Variants in SLC14A2 observed in about 807,000 individuals in gnomAD.
The protein encoded by SLC14A2 is solute carrier family 14 member 2.
SLC14A2 carries 91 observed loss-of-function variants against 104.6 expected under a neutral mutation model. The observed-to-expected ratio is 0.87, with a 90% confidence interval of 0.73 to 1.04. The LOEUF (loss-of-function observed/expected upper bound fraction) is 1.04. SLC14A2 is among the 50% of genes least tolerant of loss of function. The probability of loss-of-function intolerance (pLI) is 0.00; values close to 1 mark genes in which losing one functional copy is unlikely to be tolerated. For synonymous variants in SLC14A2, 476 were observed against 466.4 expected, an observed-to-expected ratio of 1.02 and a Z score of -0.27; for missense variants, 1,189 against 1,156.0, an observed-to-expected ratio of 1.03 and a Z score of -0.41.
intron 10 of SLC14A2, 86 bp from the exon 11 acceptor site, chr18:45,663,699 T>C (rs966594908): frequency 1.4e-6 from 2 of 1,460,666 alleles, no homozygotes; most frequent in African/African-American, 1.4e-5. Context: ...TTCCAGCATC[T>C]GTGTGATTTT....
chr18:45,456,398 C>T (rs1412986214), intron 1 of SLC14A2, among the ~76,000 whole-genome samples: 1 of 152,232 alleles, frequency 6.6e-6, no homozygotes, highest in Non-Finnish European at 1.5e-5. Flanking sequence ...TTTATGCTGG[C>T]TGTTAGTCTC....
In SLC14A2 at chr18:45,412,409, C is replaced by T. The variant is rs2086224955; in HGVS notation, c.-124-70824C>T. 2.0e-5 allele frequency among the ~76,000 whole-genome samples: 3 copies of T among 152,148 alleles called. No homozygotes were observed. In the South Asian group the frequency reaches 6.2e-4, roughly 32 times the overall value. On this transcript the variant is annotated intron_variant, in intron 1 of 20. Coordinates refer to the SLC14A2 transcript ENST00000586448. ...GAGAGAAAACAGGAAAGTTTCAGGT[C>T]TTCTAACTTATATTCCTAAATGCAA...
chr18:45,659,187 C>A (rs1480750780), intron 10 of SLC14A2, among the ~76,000 whole-genome samples: 1 of 152,246 alleles, frequency 6.6e-6, no homozygotes, highest in Admixed American at 6.5e-5. Flanking sequence ...CCACCCCTGA[C>A]CTCCAAGCAG....
At chr18:45,614,368 G>C (rs912505033), upstream of SLC14A2, among the ~76,000 whole-genome samples, 8 of 152,246 alleles carry the variant, frequency 5.3e-5, no homozygotes, top group Non-Finnish European at 1.0e-4. Flanking sequence ...GAAATGTGAA[G>C]TTGGAGCCCC....
chr18:45,172,310 AT>A, the SLC14A2 span, among the ~76,000 whole-genome samples: 4 of 152,146 alleles, frequency 2.6e-5, no homozygotes, highest in Non-Finnish European at 5.9e-5. Flanking sequence ...TCTAGGTGTG[AT>A]AAAATTTATA....
upstream of SLC14A2, among the ~76,000 whole-genome samples, chr18:45,208,198 T>C (rs184711975): frequency 2.9e-4 from 44 of 152,254 alleles, no homozygotes; most frequent in Non-Finnish European, 6.0e-4. Flanking sequence ...ACACAAAAAT[T>C]TGGGCTTGGA....
chr18:45,327,265 G>A (rs1178306139), intron 1 of SLC14A2, among the ~76,000 whole-genome samples: 1 of 152,076 alleles, frequency 6.6e-6, no homozygotes, highest in East Asian at 1.9e-4. Flanking sequence ...TACTCTTGAA[G>A]AATGTGCATT....
At chr18:45,303,727 G>A (rs568174607) in intron 1 of SLC14A2, among the ~76,000 whole-genome samples, 12 of 152,348 alleles carry the variant, frequency 7.9e-5, no homozygotes, top group African/African-American at 2.4e-4. Flanking sequence ...AGTTGAACAG[G>A]TGGATCATAC....
chr18:45,573,988 T>G (rs749300432), intron 2 of SLC14A2, among the ~76,000 whole-genome samples: 16 of 152,262 alleles, frequency 1.1e-4, no homozygotes, highest in Non-Finnish European at 1.8e-4. Flanking sequence ...TTCACATGGC[T>G]GTAAGCTAGG....
rs150240613 is a variant in SLC14A2 at position 45,628,793 on chromosome 18, GAGAA to G, written c.521+1661_521+1664del. Among the ~76,000 whole-genome samples the G allele has an allele frequency of 4.5e-3, 687 of 152,224 alleles. 5 individuals carry two copies. Among genetic ancestry groups the G allele is most frequent in the African/African-American group, 0.015 (641 of 41,546 alleles). ...TTATGTTGGGGATGTGTGCGTGGGA[GAGAA>G]AGAAAGAAAGAAAGTGAAAGCTAAG... On this transcript the variant is annotated intron_variant, in intron 4 of 19. Coordinates refer to ENST00000255226, the MANE Select transcript of SLC14A2 (RefSeq NM_007163.4).
At chr18:45,466,802 C>A (rs573451237) in intron 1 of SLC14A2, among the ~76,000 whole-genome samples, 2 of 152,028 alleles carry the variant, frequency 1.3e-5, no homozygotes, top group African/African-American at 4.8e-5. Context: ...ACCCTGTATA[C>A]CCCTGTGAAT....
At chr18:45,653,833 C>G (rs1417789139) in intron 10 of SLC14A2, among the ~76,000 whole-genome samples, 1 of 152,244 alleles carries the variant, frequency 6.6e-6, no homozygotes, top group Non-Finnish European at 1.5e-5. Context: ...GATGGCAATA[C>G]TGTTCCCCAG....
intron 8 of SLC14A2, 131 bp from the exon 9 acceptor site, chr18:45,643,001 G>A: frequency 1.3e-6 from 1 of 753,954 alleles, no homozygotes; most frequent in East Asian, 2.6e-5. Flanking sequence ...TCAGGGCATG[G>A]TGCAGAATCT....
chr18:45,195,044 C>G, the SLC14A2 span, among the ~76,000 whole-genome samples: 1 of 152,178 alleles, frequency 6.6e-6, no homozygotes, highest in African/African-American at 2.4e-5. Context: ...ACCGCACTTC[C>G]ATAAAGGCAA....
At chr18:45,435,256 A>C (rs2086578128) in intron 1 of SLC14A2, 1 of 152,218 alleles carries the variant, frequency 6.6e-6, no homozygotes, top group Non-Finnish European at 1.5e-5. Flanking sequence ...ATTCTTCAAA[A>C]TTTCGCAGAT....
chr18:45,361,543 C>G (rs1244205159), intron 1 of SLC14A2, among the ~76,000 whole-genome samples: 1 of 152,188 alleles, frequency 6.6e-6, no homozygotes, highest in African/African-American at 2.4e-5. Context: ...ATATCAAAAA[C>G]AGATGGGACA....
At chr18:45,262,252 G>A (rs2084546926) in intron 1 of SLC14A2, among the ~76,000 whole-genome samples, 1 of 152,124 alleles carries the variant, frequency 6.6e-6, no homozygotes, top group Non-Finnish European at 1.5e-5. Flanking sequence ...GCCTTATGAG[G>A]TCAATTCTAC....
At chr18:45,178,465 T>A in the SLC14A2 span, among the ~76,000 whole-genome samples, 1 of 152,104 alleles carries the variant, frequency 6.6e-6, no homozygotes, top group Non-Finnish European at 1.5e-5. Flanking sequence ...AATAAGCCAG[T>A]AATTTAGAGA....
chr18:45,208,972 A>T (rs2083937790), upstream of SLC14A2, among the ~76,000 whole-genome samples: 2 of 150,988 alleles, frequency 1.3e-5, no homozygotes, highest in Non-Finnish European at 2.9e-5. Context: ...TTTGAGATGT[A>T]TGATCAAAAA....
Sources: gnomAD v4.1 joint callset for allele counts (sites outside exome capture counted in the v4.1 genomes callset) on GRCh38, gnomAD v4.1.1 for gene constraint, MANE v1.5 for transcripts, NCBI Gene and HGNC (gene_info 2026-07-23, HGNC 2026-07-21) for gene names.